The following KPNA5 variants were observed in gnomAD, a reference collection of about 807,000 sequenced individuals.
KPNA5 encodes importin subunit alpha-6.
Under a neutral mutation model 71.3 loss-of-function variants are expected in KPNA5, and 46 were observed. The ratio of observed to expected loss-of-function variants is 0.65; its 90% CI spans 0.51 to 0.83. The LOEUF is 0.83. Ranked by LOEUF, KPNA5 falls within the 40% of genes least tolerant of loss-of-function variation. The probability of loss-of-function intolerance (pLI) is 0.00; values close to 1 mark genes in which losing one functional copy is unlikely to be tolerated. For missense variants in KPNA5, 547 were observed against 628.3 expected, an observed-to-expected ratio of 0.87 and a Z score of 1.38; for synonymous variants, 207 against 201.4, an observed-to-expected ratio of 1.03 and a Z score of -0.24.
chr6:116,685,175 A>G (rs1239896516), intron 1 of KPNA5, among the ~76,000 whole-genome samples: 1 of 152,220 alleles, frequency 6.6e-6, no homozygotes, highest in South Asian at 2.1e-4. Context: ...ATCTGTCCCT[A>G]CAGTGGAATA....
rs547901594 is a variant in KPNA5 at position 116,717,744 on chromosome 6, C to T, written c.756+1426C>T. On this transcript the variant is annotated intron_variant, in intron 8 of 13. Transcript: ENST00000368564. Reference sequence around the variant, plus strand: ...GATCCTAGGACTTTATAGACTGGCCCCTTTCCCATGATTCTTCCCTTAAGG... The same window carrying T: ...GATCCTAGGACTTTATAGACTGGCCTCTTTCCCATGATTCTTCCCTTAAGG... Among the ~76,000 whole-genome samples the T allele has an allele frequency of 2.6e-5, 4 of 152,222 alleles. No homozygotes were observed. The East Asian group carries it at 7.7e-4, about 29-fold the overall frequency.
chr6:116,724,976 G>A lies in KPNA5; in HGVS notation c.999+601G>A, dbSNP rs753657937. Among the ~76,000 whole-genome samples the A allele has an allele frequency of 4.6e-5, 7 of 152,030 alleles. No homozygotes were observed. In the East Asian group the frequency reaches 7.7e-4, roughly 17 times the overall value. On this transcript the variant is annotated intron_variant, in intron 10 of 13. Coordinates refer to ENST00000368564, the MANE Select transcript of KPNA5 (RefSeq NM_001366306.2). ...CACGTTAGATTCTCCTTTGTTTACC[G>A]CCTTACAGTGTATTTTTTATTCTAA...
At chr6:116,709,534 T>TA (rs1286684342) in intron 7 of KPNA5, among the ~76,000 whole-genome samples, 2 of 152,024 alleles carry the variant, frequency 1.3e-5, no homozygotes, top group East Asian at 1.9e-4. Flanking sequence ...TAAATTTTTT[T>TA]TAAAAAAAGA....
Position 116,722,306 on chromosome 6 carries a change from T to C in KPNA5, c.920+17T>C. On this transcript the variant is annotated intron_variant, in intron 9 of 13. Transcript: ENST00000368564. ...ACTTTTGATGTAACTATAAATAATT[T>C]ATGCTTAATAATTGTATGATTGAGA... The C allele has an allele frequency of 6.3e-7, 1 of 1,578,404 alleles. No homozygotes were observed. Among genetic ancestry groups the C allele is most frequent in the Non-Finnish European group, 8.6e-7 (1 of 1,156,102 alleles).
In KPNA5 at chr6:116,724,366, T is replaced by C; in HGVS notation, c.990T>C (p.Ile330=). 6.2e-7 allele frequency: 1 copy of C among 1,608,332 alleles called. No individual in the cohort carries two copies. The highest frequency in any genetic ancestry group is 1.1e-5 in the South Asian group (1 of 90,892). Reference sequence around the variant, plus strand: ...GTAATATTGTGACTGGTGATGATATTCAAACACAGGTGAGTTCAAACTTGA... The same window carrying C: ...GTAATATTGTGACTGGTGATGATATCCAAACACAGGTGAGTTCAAACTTGA... ...AVGNIVTGDD[I]QTQVILNCSA... Residue 330 remains isoleucine (I), a synonymous_variant, in exon 10 of 14, where the codon ATT becomes ATC. Transcript: ENST00000368564.
intron 2 of KPNA5, among the ~76,000 whole-genome samples, chr6:116,690,125 G>A (rs192894117): frequency 4.7e-4 from 55 of 117,220 alleles, no homozygotes; most frequent in Non-Finnish European, 4.6e-4. Flanking sequence ...AGTAGAGATG[G>A]GGTCCTGCTA....
chr6:116,697,920 G>A (rs1297609666), intron 4 of KPNA5, among the ~76,000 whole-genome samples: 2 of 151,916 alleles, frequency 1.3e-5, no homozygotes, highest in African/African-American at 2.4e-5. Flanking sequence ...AGGAGAATTC[G>A]GTTAAGGTTG....
At chr6:116,715,008 C>T (rs777523835) in intron 7 of KPNA5, among the ~76,000 whole-genome samples, 1 of 152,150 alleles carries the variant, frequency 6.6e-6, no homozygotes, top group Non-Finnish European at 1.5e-5. Flanking sequence ...TACTACATTT[C>T]AGCCCTTTCC....
intron 1 of KPNA5, among the ~76,000 whole-genome samples, chr6:116,684,722 C>T (rs1777502532): frequency 1.3e-5 from 2 of 152,152 alleles, no homozygotes; most frequent in African/African-American, 4.8e-5. Flanking sequence ...ACTCCAGATC[C>T]CTGTCCTGAG....
intron 7 of KPNA5, among the ~76,000 whole-genome samples, chr6:116,714,450 T>C (rs1344850264): frequency 6.6e-6 from 1 of 152,220 alleles, no homozygotes; most frequent in African/African-American, 2.4e-5. Context: ...ATTACAGCTA[T>C]GACTTAGCAC....
chr6:116,685,757 CAT>C (rs998241412), intron 1 of KPNA5, among the ~76,000 whole-genome samples: 1 of 152,052 alleles, frequency 6.6e-6, no homozygotes, highest in Non-Finnish European at 1.5e-5. Flanking sequence ...TTTGTGTGCA[CAT>C]GTTTTTATGG....
intron 2 of KPNA5, 37 bp downstream of exon 2, chr6:116,689,490 AT>A (rs781755399): frequency 1.1e-4 from 156 of 1,451,046 alleles, no homozygotes; most frequent in Non-Finnish European, 1.4e-4. Flanking sequence ...GTTTTTTAAA[AT>A]TTTAATTATT....
rs143296906 is a variant in KPNA5, at chr6:116,733,753, A to G, written c.*1430A>G. The G allele has an allele frequency of 6.6e-6, 1 of 151,816 alleles. No homozygotes were observed. The highest frequency in any genetic ancestry group is 2.4e-5 in the African/African-American group (1 of 41,526). The allele number at this position is 151,816 out of a possible 1,614,324, so 9.4% of individuals were successfully genotyped here. A position where few individuals can be genotyped will look rare whatever the true frequency, so the allele number is the denominator to read the frequency against. ...GTTTACAACTCTTTTTAAGATGAGA[A>G]CTAAGGCAATTTTGATATGATTCAT... On this transcript the variant is annotated 3_prime_UTR_variant, in exon 14 of 14. Transcript: ENST00000368564.
chr6:116,687,552 C>A (rs1777637541), intron 1 of KPNA5, among the ~76,000 whole-genome samples: 1 of 152,054 alleles, frequency 6.6e-6, no homozygotes, highest in Non-Finnish European at 1.5e-5. Flanking sequence ...TAAAAATAAA[C>A]CTAAAATAAC....
At chr6:116,721,479 G>C (rs1449074814) in intron 8 of KPNA5, among the ~76,000 whole-genome samples, 1 of 152,114 alleles carries the variant, frequency 6.6e-6, no homozygotes, top group South Asian at 2.1e-4. Context: ...TGAGGAGAAA[G>C]ACTAAGGGAT....
Position 116,734,846 on chromosome 6 carries a change from A to G in KPNA5, c.*2523A>G, listed in dbSNP as rs1583454539. On this transcript the variant is annotated 3_prime_UTR_variant, in exon 14 of 14. Coordinates refer to ENST00000368564, the MANE Select transcript of KPNA5 (RefSeq NM_001366306.2). ...TTAACTTGCTTTTCTAAGATTTGTTATATTTAAATCCAAGAGAAACTATGC... is the reference window on the plus strand; with the variant it reads ...TTAACTTGCTTTTCTAAGATTTGTTGTATTTAAATCCAAGAGAAACTATGC... The G allele has an allele frequency of 6.6e-6, 1 of 151,790 alleles. No homozygotes were observed. The highest frequency in any genetic ancestry group is 6.6e-5 in the Admixed American group (1 of 15,196). The allele number at this position is 151,790 out of a possible 1,614,324, so 9.4% of individuals were successfully genotyped here.
At chr6:116,700,446 G>C (rs1778187118) in intron 5 of KPNA5, among the ~76,000 whole-genome samples, 1 of 151,274 alleles carries the variant, frequency 6.6e-6, no homozygotes. Context: ...CTCCAGCCTG[G>C]GCCCTGTCTC....
At chr6:116,722,407 C>T (rs1156387700) in intron 9 of KPNA5, 118 bp downstream of exon 9, 2 of 836,458 alleles carry the variant, frequency 2.4e-6, no homozygotes, top group East Asian at 2.9e-5. Context: ...TAAAAAGCTA[C>T]TGACCCAACA....
chr6:116,724,376 G>A lies in KPNA5; in HGVS notation c.999+1G>A. On this transcript the variant is annotated splice_donor_variant, in intron 10 of 13. Transcript: ENST00000368564. LOFTEE classifies it high-confidence loss of function. Reference sequence around the variant, plus strand: ...GACTGGTGATGATATTCAAACACAGGTGAGTTCAAACTTGAGTATCATAAA... The same window carrying A: ...GACTGGTGATGATATTCAAACACAGATGAGTTCAAACTTGAGTATCATAAA... The A allele has an allele frequency of 1.2e-6, 2 of 1,603,050 alleles. No homozygotes were observed. Among genetic ancestry groups the A allele is most frequent in the Non-Finnish European group, 1.7e-6 (2 of 1,170,468 alleles).
Sources: gnomAD v4.1 joint callset for allele counts (sites outside exome capture counted in the v4.1 genomes callset) on GRCh38, gnomAD v4.1.1 for gene constraint, MANE v1.5 for transcripts, NCBI Gene and HGNC (gene_info 2026-07-23, HGNC 2026-07-21) for gene names.